Variants in DNAH7 observed in about 807,000 individuals in gnomAD.
The protein encoded by DNAH7 is dynein axonemal heavy chain 7.
DNAH7 carries 397 observed loss-of-function variants against 444.6 expected under a neutral mutation model. The ratio of observed to expected loss-of-function variants is 0.89; its 90% CI spans 0.82 to 0.97. The LOEUF (loss-of-function observed/expected upper bound fraction) is 0.97. Ranked by LOEUF, DNAH7 falls within the 50% of genes least tolerant of loss-of-function variation. The probability of loss-of-function intolerance (pLI) is 0.00; values close to 1 mark genes in which losing one functional copy is unlikely to be tolerated. For synonymous variants in DNAH7, 1,636 were observed against 1,624.4 expected, an observed-to-expected ratio of 1.01 and a Z score of -0.17; for missense variants, 4,902 against 4,800.8, an observed-to-expected ratio of 1.02 and a Z score of -0.62.
chr2:195,748,521 T>A (rs1693572019), intron 63 of DNAH7, among the ~76,000 whole-genome samples: 1 of 152,148 alleles, frequency 6.6e-6, no homozygotes, highest in Non-Finnish European at 1.5e-5. Context: ...AGAGCCCACA[T>A]CGCGAAGTCA....
chr2:195,806,564 G>A (rs140677010), intron 54 of DNAH7, among the ~76,000 whole-genome samples, 176 bp downstream of exon 54: 2 of 152,260 alleles, frequency 1.3e-5, no homozygotes, highest in African/African-American at 4.8e-5. Context: ...ATTTAGGATG[G>A]TTTTAGAAAA....
intron 5 of DNAH7, among the ~76,000 whole-genome samples, chr2:196,042,480 T>C (rs2125833247): frequency 6.6e-6 from 1 of 151,884 alleles, no homozygotes; most frequent in Admixed American, 6.6e-5. Context: ...GTAAAGGAAA[T>C]ACATAAAGAA....
intron 12 of DNAH7, among the ~76,000 whole-genome samples, chr2:195,996,361 CCTT>C (rs1658753747): frequency 6.6e-6 from 1 of 152,196 alleles, no homozygotes; most frequent in African/African-American, 2.4e-5. Flanking sequence ...CAGTTTATCT[CCTT>C]TTCTTTCCAT....
At chr2:195,744,015 G>C (rs574084514) in intron 63 of DNAH7, among the ~76,000 whole-genome samples, 3 of 152,324 alleles carry the variant, frequency 2.0e-5, no homozygotes, top group African/African-American at 7.2e-5. Context: ...GTGGGTGCAG[G>C]ACAGTGGGTG....
intron 47 of DNAH7, among the ~76,000 whole-genome samples, chr2:195,844,773 TA>T (rs1698885252): frequency 6.6e-6 from 1 of 152,130 alleles, no homozygotes; most frequent in African/African-American, 2.4e-5. Flanking sequence ...AAAATTAATT[TA>T]AAAAAATTAA....
intron 1 of DNAH7, among the ~76,000 whole-genome samples, chr2:196,060,269 A>C (rs938163464): frequency 7.2e-5 from 11 of 152,160 alleles, no homozygotes; most frequent in Non-Finnish European, 1.3e-4. Context: ...TTTCCATTCA[A>C]TAAAGAGAGA....
chr2:195,934,977 G>A (rs1255532221), intron 20 of DNAH7, among the ~76,000 whole-genome samples, 188 bp from the exon 21 acceptor site: 1 of 152,144 alleles, frequency 6.6e-6, no homozygotes, highest in Non-Finnish European at 1.5e-5. Flanking sequence ...ATAGTCCATT[G>A]AGATGTCAGT....
intron 40 of DNAH7, among the ~76,000 whole-genome samples, chr2:195,868,043 G>A (rs1407290876): frequency 6.6e-6 from 1 of 150,940 alleles, no homozygotes; most frequent in East Asian, 1.9e-4. Flanking sequence ...TATGTATGAG[G>A]GTTCCAATTC....
chr2:195,959,886 G>A (rs1033371381), intron 18 of DNAH7, among the ~76,000 whole-genome samples: 8 of 151,930 alleles, frequency 5.3e-5, no homozygotes, highest in Admixed American at 2.0e-4. Context: ...ATTATCTTCC[G>A]TTCACAGATA....
At chr2:196,043,739 C>T (rs981890444) in intron 5 of DNAH7, among the ~76,000 whole-genome samples, 2 of 151,874 alleles carry the variant, frequency 1.3e-5, no homozygotes, top group African/African-American at 4.8e-5. Flanking sequence ...CAAAAGTGGG[C>T]TAAGGACATG....
At chr2:195,966,299 G>A (rs779306410) in intron 17 of DNAH7, among the ~76,000 whole-genome samples, 3 of 152,136 alleles carry the variant, frequency 2.0e-5, no homozygotes, top group Admixed American at 1.3e-4. Context: ...TTATTCCACC[G>A]TGGTCAGAGA....
intron 1 of DNAH7, among the ~76,000 whole-genome samples, chr2:196,064,993 CTGT>C (rs1296820875): frequency 5.3e-5 from 8 of 152,102 alleles, no homozygotes; most frequent in African/African-American, 1.9e-4. Flanking sequence ...ATGTGCATCT[CTGT>C]TTTGTCCCTT....
intron 12 of DNAH7, among the ~76,000 whole-genome samples, chr2:195,991,498 T>C (rs1196282664): frequency 6.6e-6 from 1 of 152,312 alleles, no homozygotes; most frequent in East Asian, 1.9e-4. Context: ...AATAACACTT[T>C]TAAAAAATTA....
intron 61 of DNAH7, among the ~76,000 whole-genome samples, chr2:195,761,372 T>C (rs1032308535): frequency 2.0e-5 from 3 of 152,092 alleles, no homozygotes; most frequent in Non-Finnish European, 4.4e-5. Flanking sequence ...CTAACACTTA[T>C]TGGCCTTAAA....
chr2:195,862,865 G>A (rs907815384), intron 41 of DNAH7, among the ~76,000 whole-genome samples: 6 of 152,212 alleles, frequency 3.9e-5, no homozygotes, highest in African/African-American at 7.2e-5. Context: ...GTGAAATCCC[G>A]TCTCTACTAA....
chr2:195,973,993 C>T (rs1692022798), intron 15 of DNAH7, among the ~76,000 whole-genome samples: 1 of 152,078 alleles, frequency 6.6e-6, no homozygotes, highest in African/African-American at 2.4e-5. Flanking sequence ...AGGCGAATTG[C>T]TTGAACCCAG....
chr2:195,816,601 A>C, intron 51 of DNAH7, 27 bp downstream of exon 51: 10 of 1,516,156 alleles, frequency 6.6e-6, no homozygotes, highest in Non-Finnish European at 9.1e-6. Flanking sequence ...TAATTAGTTA[A>C]TATTAACTAG....
At chr2:195,786,276 A>G (rs1695617588) in intron 58 of DNAH7, among the ~76,000 whole-genome samples, 1 of 152,270 alleles carries the variant, frequency 6.6e-6, no homozygotes, top group African/African-American at 2.4e-5. Flanking sequence ...ATTTAGTTAT[A>G]GATTTCAAAC....
chr2:196,016,922 C>T (rs369683387), intron 9 of DNAH7, among the ~76,000 whole-genome samples: 13 of 152,144 alleles, frequency 8.5e-5, no homozygotes, highest in South Asian at 6.2e-4. Context: ...ATAAAAATTA[C>T]GAACTCTTAC....
Sources: allele counts gnomAD v4.1 joint callset (sites outside exome capture counted in the v4.1 genomes callset), GRCh38; gene constraint gnomAD v4.1.1; transcripts MANE v1.5; gene names NCBI Gene and HGNC (gene_info 2026-07-23, HGNC 2026-07-21).